CTNNA3: variants seen among roughly 807,000 people sequenced by gnomAD.
The protein encoded by CTNNA3 is catenin alpha 3.
Under a neutral mutation model 95.7 loss-of-function variants are expected in CTNNA3, and 76 were observed. That is an observed-to-expected ratio of 0.79 (90% CI 0.66 to 0.96). The LOEUF (loss-of-function observed/expected upper bound fraction) is 0.96. Ranked by LOEUF, CTNNA3 falls within the 40% of genes least tolerant of loss-of-function variation. The pLI, the probability that CTNNA3 is intolerant of heterozygous loss-of-function variation, is 0.00. For synonymous variants in CTNNA3, 431 were observed against 374.4 expected, an observed-to-expected ratio of 1.15 and a Z score of -1.74; for missense variants, 1,191 against 1,089.8, an observed-to-expected ratio of 1.09 and a Z score of -1.31.
intron 13 of CTNNA3, among the ~76,000 whole-genome samples, chr10:66,117,892 A>G (rs1371889015): frequency 6.6e-6 from 1 of 152,148 alleles, no homozygotes. Context: ...GTGTGGATAT[A>G]CAGTGTGAAG....
intron 15 of CTNNA3, among the ~76,000 whole-genome samples, chr10:66,061,504 CT>C (rs903222948): frequency 1.3e-5 from 2 of 152,112 alleles, no homozygotes; most frequent in African/African-American, 4.8e-5. Context: ...GCCTGTCCCT[CT>C]TCTCACTTAT....
At chr10:67,466,151 A>C (rs1430335684) in intron 5 of CTNNA3, among the ~76,000 whole-genome samples, 1 of 152,040 alleles carries the variant, frequency 6.6e-6, no homozygotes, top group Non-Finnish European at 1.5e-5. Flanking sequence ...GTTTCTGCCA[A>C]AAAAAAATTT....
intron 9 of CTNNA3, among the ~76,000 whole-genome samples, chr10:66,663,846 A>G (rs973466986): frequency 6.6e-6 from 1 of 152,134 alleles, no homozygotes; most frequent in African/African-American, 2.4e-5. Flanking sequence ...ATCTTATAAA[A>G]TTGTTACACT....
At chr10:66,751,343 A>G (rs191960966) in intron 9 of CTNNA3, among the ~76,000 whole-genome samples, 106 of 152,294 alleles carry the variant, frequency 7.0e-4, no homozygotes, top group Middle Eastern at 3.4e-3. Flanking sequence ...TATTAATCAT[A>G]TATTCTGCAA....
chr10:67,074,168 G>A (rs1856613858), intron 7 of CTNNA3, among the ~76,000 whole-genome samples: 1 of 150,604 alleles, frequency 6.6e-6, no homozygotes, highest in Non-Finnish European at 1.5e-5. Context: ...AAGTAGCTGG[G>A]ACTATAGGCA....
At chr10:67,062,313 C>A (rs1338137680) in intron 7 of CTNNA3, among the ~76,000 whole-genome samples, 1 of 152,152 alleles carries the variant, frequency 6.6e-6, no homozygotes, top group African/African-American at 2.4e-5. Flanking sequence ...AAATCACTTA[C>A]TAAAAATGTC....
intron 12 of CTNNA3, among the ~76,000 whole-genome samples, chr10:66,346,246 T>TATATATATATAGAGAGAGAG (rs1416945569): frequency 3.6e-5 from 1 of 27,788 alleles, no homozygotes; most frequent in Non-Finnish European, 7.6e-5. Context: ...TATATATATA[T>TATATATATATAGAGAGAGAG]AGAGAGAGAG....
At chr10:66,638,943 ATG>A (rs1845425542) in intron 9 of CTNNA3, among the ~76,000 whole-genome samples, 1 of 151,782 alleles carries the variant, frequency 6.6e-6, no homozygotes, top group African/African-American at 2.4e-5. Context: ...AACAAACAAT[ATG>A]TTTTTTTTAA....
intron 7 of CTNNA3, among the ~76,000 whole-genome samples, chr10:66,882,631 A>G (rs997138359): frequency 6.6e-6 from 1 of 152,158 alleles, no homozygotes; most frequent in Non-Finnish European, 1.5e-5. Context: ...GTGAATCTGT[A>G]CTTGCTTATT....
At chr10:67,235,323 T>A (rs995803296) in intron 5 of CTNNA3, among the ~76,000 whole-genome samples, 2 of 151,798 alleles carry the variant, frequency 1.3e-5, no homozygotes, top group Non-Finnish European at 2.9e-5. Context: ...GAGATATAGA[T>A]CAATGGAACA....
chr10:66,487,181 A>ATGTTTTTTTT (rs1839762169), intron 11 of CTNNA3, among the ~76,000 whole-genome samples: 1 of 45,946 alleles, frequency 2.2e-5, no homozygotes, highest in African/African-American at 9.0e-5. Context: ...AAAAGGGCAG[A>ATGTTTTTTTT]TTTTTTTTTT....
At chr10:65,971,894 G>A (rs2078111981) in intron 16 of CTNNA3, among the ~76,000 whole-genome samples, 1 of 151,948 alleles carries the variant, frequency 6.6e-6, no homozygotes, top group Non-Finnish European at 1.5e-5. Flanking sequence ...GATAAACATA[G>A]ATGCAAAAAT....
At chr10:66,173,547 G>T (rs1400992274) in intron 13 of CTNNA3, among the ~76,000 whole-genome samples, 1 of 151,972 alleles carries the variant, frequency 6.6e-6, no homozygotes, top group East Asian at 1.9e-4. Flanking sequence ...GCCAGGCATG[G>T]TGGTATGCAT....
intron 9 of CTNNA3, among the ~76,000 whole-genome samples, chr10:66,670,524 T>C (rs1411440447): frequency 6.6e-6 from 1 of 152,028 alleles, no homozygotes; most frequent in Non-Finnish European, 1.5e-5. Flanking sequence ...GCTGTGTCCT[T>C]CTCACATTTT....
chr10:65,940,988 A>T (rs977531026), intron 17 of CTNNA3, among the ~76,000 whole-genome samples: 1 of 152,236 alleles, frequency 6.6e-6, no homozygotes, highest in Non-Finnish European at 1.5e-5. Flanking sequence ...AATCCTGAAA[A>T]TAAACCAAAC....
At chr10:66,503,113 A>G (rs1398576778) in intron 11 of CTNNA3, among the ~76,000 whole-genome samples, 1 of 152,182 alleles carries the variant, frequency 6.6e-6, no homozygotes, top group Non-Finnish European at 1.5e-5. Context: ...TGGCCTGCCA[A>G]TAATGTTAGT....
intron 13 of CTNNA3, among the ~76,000 whole-genome samples, chr10:66,200,336 A>G (rs1433177626): frequency 6.6e-6 from 1 of 152,066 alleles, no homozygotes; most frequent in Non-Finnish European, 1.5e-5. Flanking sequence ...CAAGAATACA[A>G]TTAGAAGAAA....
chr10:66,094,963 T>A (rs1217727278), intron 14 of CTNNA3, among the ~76,000 whole-genome samples: 8 of 152,126 alleles, frequency 5.3e-5, no homozygotes, highest in African/African-American at 2.4e-5. Context: ...TGCAACTGAA[T>A]GTACAGAGGT....
At chr10:66,717,937 C>T (rs1848505157) in intron 9 of CTNNA3, among the ~76,000 whole-genome samples, 1 of 152,056 alleles carries the variant, frequency 6.6e-6, no homozygotes, top group Admixed American at 6.6e-5. Context: ...GAAAAGGTAG[C>T]CAAAGTGTGA....
Sources: gnomAD v4.1 joint callset for allele counts (sites outside exome capture counted in the v4.1 genomes callset) on GRCh38, gnomAD v4.1.1 for gene constraint, MANE v1.5 for transcripts, NCBI Gene and HGNC (gene_info 2026-07-23, HGNC 2026-07-21) for gene names.